The following TRIM35 variants were observed in gnomAD, a reference collection of about 807,000 sequenced individuals.
TRIM35 encodes E3 ubiquitin-protein ligase TRIM35.
TRIM35 carries 37 observed loss-of-function variants against 49.1 expected under a neutral mutation model. The ratio of observed to expected loss-of-function variants is 0.75; its 90% confidence interval spans 0.58 to 0.99. The LOEUF is 0.99. Among genes scored for constraint, TRIM35 ranks in the 50% least tolerant of loss-of-function variants. The pLI, the probability that TRIM35 is intolerant of heterozygous loss-of-function variation, is 0.00. For missense variants in TRIM35, 648 were observed against 702.7 expected (o/e 0.92, Z 0.88); for synonymous variants, 302 against 289.3 (o/e 1.04, Z -0.45).
At chr8:27,304,900 A>G (rs1486716105) in intron 1 of TRIM35, 1 of 418,654 alleles carries the variant, frequency 2.4e-6, no homozygotes, top group South Asian at 1.7e-5. Flanking sequence ...AGAAGTCTCT[A>G]CAGTCTCCCA....
chr8:27,287,632 C>T lies in TRIM35; in HGVS notation c.1400G>A (p.Gly467Glu). Residue 467 changes from glycine to glutamate, a missense_variant, in exon 6 of 6, where the codon GGG (glycine) becomes GAG (glutamate). Gly to Glu is a moderately conservative substitution (Grantham distance 98, BLOSUM62 -2). Coordinates refer to ENST00000305364, the MANE Select transcript of TRIM35 (RefSeq NM_171982.5). The surrounding 1 kb of genome is among the most constrained non-coding windows in gnomAD (Gnocchi z 6.0). The part of the protein sequence containing the change: ...FGEVRPYFYL[G>E]GARGAGPPEP... ...TGGAGGCCCGGCGCCCCGTGCACCC[C>T]CCAGGTAGAAGTAGGGGCGAACCTC... 1 of 1,609,140 alleles carries T rather than the reference C, an allele frequency of 6.2e-7. No individual in the cohort carries two copies. The highest frequency in any genetic ancestry group is 1.1e-5 in the South Asian group (1 of 90,044).
chr8:27,299,424 C>T (rs1445541766), intron 1 of TRIM35, among the ~76,000 whole-genome samples: 1 of 152,134 alleles, frequency 6.6e-6, no homozygotes, highest in Admixed American at 6.5e-5. Context: ...GGGACAACAC[C>T]AATTACTTGA....
rs1228968832 is a variant in TRIM35, at chr8:27,288,106, T to G, written c.926A>C (p.Asn309Thr). 6.2e-7 allele frequency: 1 copy of G among 1,607,988 alleles called. No individual in the cohort carries two copies. Among genetic ancestry groups the G allele is most frequent in the African/African-American group, 1.3e-5 (1 of 74,944 alleles). Reference protein sequence around the residue: ...VESVPFSFDPNTAAGWLSVSD... With the variant: ...VESVPFSFDPTTAAGWLSVSD... Reference sequence around the variant, plus strand: ...CACGGAGAGCCAGCCAGCTGCGGTGTTGGGGTCAAAGCTGAAGGGTACTGC... The same window carrying G: ...CACGGAGAGCCAGCCAGCTGCGGTGGTGGGGTCAAAGCTGAAGGGTACTGC... Residue 309 changes from asparagine to threonine, a missense_variant, in exon 6 of 6, where the codon AAC (asparagine) becomes ACC (threonine). Coordinates refer to ENST00000305364, the MANE Select transcript of TRIM35 (RefSeq NM_171982.5).
chr8:27,310,371 A>G (rs1195461014), intron 1 of TRIM35, among the ~76,000 whole-genome samples: 2 of 152,156 alleles, frequency 1.3e-5, no homozygotes, highest in African/African-American at 4.8e-5. Flanking sequence ...TTTGGGGGAA[A>G]TCTTAAGACT....
intron 2 of TRIM35, 37 bp from the exon 3 acceptor site, chr8:27,294,347 T>C: frequency 6.3e-7 from 1 of 1,585,998 alleles, no homozygotes; most frequent in Non-Finnish European, 8.6e-7. Context: ...GGGTCAGATG[T>C]GGAGAGGACA....
In TRIM35 at chr8:27,311,190, T is replaced by A; in HGVS notation, c.46A>T (p.Lys16Ter). 1.2e-6 allele frequency: 2 copies of A among 1,601,158 alleles called. No homozygotes were observed. The highest frequency in any genetic ancestry group is 2.2e-5 in the South Asian group (2 of 89,336). Reference sequence around the variant, plus strand: ...CAGACGGCGCAGAGCAACTCCTCCTTGAAGGAGCGGGAAGGCCCGGGGGAC... The same window carrying A: ...CAGACGGCGCAGAGCAACTCCTCCTAGAAGGAGCGGGAAGGCCCGGGGGAC... The part of the protein sequence containing the change: ...DVSPGPSRSF[K>*]EELLCAVCYD... Residue 16 changes from lysine (K) to a stop codon, truncating the protein, a stop_gained, in exon 1 of 6, where the codon AAG (lysine) becomes TAG (stop). Transcript: ENST00000305364. LOFTEE classifies it high-confidence loss of function.
chr8:27,310,733 G>A, intron 1 of TRIM35, 68 bp downstream of exon 1: 1 of 1,483,060 alleles, frequency 6.7e-7, no homozygotes, highest in East Asian at 2.4e-5. Flanking sequence ...AGGGGCGGGA[G>A]CCGCAGAGCC....
intron 1 of TRIM35, among the ~76,000 whole-genome samples, chr8:27,304,256 G>A (rs1802737859): frequency 1.3e-5 from 2 of 152,228 alleles, no homozygotes; most frequent in Non-Finnish European, 2.9e-5. Context: ...CATTGCACAA[G>A]GTCTTCATAG....
intron 1 of TRIM35, among the ~76,000 whole-genome samples, chr8:27,310,082 C>T (rs888324504): frequency 6.6e-6 from 1 of 152,068 alleles, no homozygotes; most frequent in Non-Finnish European, 1.5e-5. Context: ...TTCTGGGTCA[C>T]AAGGGAAAAT....
At chr8:27,299,522 G>A (rs1802641232) in intron 1 of TRIM35, among the ~76,000 whole-genome samples, 1 of 152,186 alleles carries the variant, frequency 6.6e-6, no homozygotes, top group Admixed American at 6.5e-5. Flanking sequence ...AGGCACAGAA[G>A]GGAAATGACC....
At chr8:27,293,003 C>CT (rs201265948) in intron 3 of TRIM35, among the ~76,000 whole-genome samples, 2,871 of 144,856 alleles carry the variant, frequency 0.02, 87 homozygotes, top group African/African-American at 0.061. Context: ...TTTTCTTTTT[C>CT]TTTTTTTTTT....
intron 1 of TRIM35, among the ~76,000 whole-genome samples, chr8:27,304,022 C>A (rs1219160065): frequency 6.6e-6 from 1 of 152,150 alleles, no homozygotes; most frequent in African/African-American, 2.4e-5. Context: ...TAAACACACA[C>A]AAAATAGGTT....
chr8:27,293,379 T>A (rs1250607772), intron 3 of TRIM35, among the ~76,000 whole-genome samples: 1 of 152,158 alleles, frequency 6.6e-6, no homozygotes, highest in African/African-American at 2.4e-5. Context: ...TAATACTGTT[T>A]TTTTAAAGAG....
In TRIM35 at chr8:27,295,345, A is replaced by C. The variant is rs147954229; in HGVS notation, c.532-1035T>G. ...AAGACAAAAATACAATTCCATGACAACTGTTGGAAAAACCATTCAAAATGT... is the reference window on the plus strand; with the variant it reads ...AAGACAAAAATACAATTCCATGACACCTGTTGGAAAAACCATTCAAAATGT... On this transcript the variant is annotated intron_variant, in intron 2 of 5. Transcript: ENST00000305364. 5.0e-3 allele frequency among the ~76,000 whole-genome samples: 766 copies of C among 152,304 alleles called. 9 individuals carry two copies. Among genetic ancestry groups the C allele is most frequent in the African/African-American group, 0.018 (742 of 41,548 alleles).
At chr8:27,300,516 A>C (rs1429762555) in intron 1 of TRIM35, among the ~76,000 whole-genome samples, 1 of 152,168 alleles carries the variant, frequency 6.6e-6, no homozygotes, top group Non-Finnish European at 1.5e-5. Flanking sequence ...AGAAACTCAA[A>C]GATAATTAAT....
rs376675767 is a variant in TRIM35, at chr8:27,294,796, C to T, written c.532-486G>A. ...AACAATCATTAAAATAATATACACA[C>T]TCCAAATCACAACCACAAAAAGTTT... On this transcript the variant is annotated intron_variant, in intron 2 of 5. Transcript: ENST00000305364. 2.6e-5 allele frequency among the ~76,000 whole-genome samples: 4 copies of T among 151,106 alleles called. No individual in the cohort carries two copies. The South Asian group carries it at 8.4e-4, about 32-fold the overall frequency.
At position 27,294,279 on chromosome 8, in the gene TRIM35, C is replaced by G. The variant is rs527549535; in HGVS notation, c.563G>C (p.Arg188Pro). Residue 188 changes from arginine (R) to proline (P), a missense_variant, in exon 3 of 6, where the codon CGG becomes CCG. Physicochemically the swap from Arg to Pro is moderately radical, Grantham distance 103 (BLOSUM62 -2). Coordinates refer to ENST00000305364, the MANE Select transcript of TRIM35 (RefSeq NM_171982.5). ...CTCGCGAAGCTTATCAAACTCCTGC[C>G]GGATCCGGCCTTCCAGCCATGCAGC... ...VEAAWLEGRI[R>P]QEFDKLREFL... 1.2e-6 allele frequency: 2 copies of G among 1,614,028 alleles called. No individual in the cohort carries two copies. The highest frequency in any genetic ancestry group is 2.2e-5 in the South Asian group (2 of 91,082).
chr8:27,290,826 A>G (rs761044638), intron 3 of TRIM35, among the ~76,000 whole-genome samples: 2 of 152,160 alleles, frequency 1.3e-5, no homozygotes, highest in Non-Finnish European at 2.9e-5. Flanking sequence ...AAAAAGAAGA[A>G]CATTGGAAGA....
chr8:27,290,050 G>A (rs1352313949), intron 4 of TRIM35, 106 bp downstream of exon 4: 2 of 1,311,542 alleles, frequency 1.5e-6, no homozygotes, highest in Non-Finnish European at 2.2e-6. Context: ...ATGTGTGCTG[G>A]TGCACCCAGC....
Sources: gnomAD v4.1 joint callset for allele counts (sites outside exome capture counted in the v4.1 genomes callset) on GRCh38, gnomAD v4.1.1 for gene constraint, Gnocchi (gnomAD v3.1) non-coding constraint, MANE v1.5 for transcripts, NCBI Gene and HGNC (gene_info 2026-07-23, HGNC 2026-07-21) for gene names.